The following TCF12 variants were observed in gnomAD, a reference collection of about 807,000 sequenced individuals.
TCF12 encodes DNA-binding protein HTF4.
A neutral mutation model predicts 86.0 loss-of-function variants in TCF12; 45 were observed. The observed-to-expected ratio is 0.52, with a 90% CI of 0.41 to 0.67. The LOEUF is 0.67. Ranked by LOEUF, TCF12 falls within the 30% of genes least tolerant of loss-of-function variation. The probability of loss-of-function intolerance (pLI) is 0.00; values close to 1 mark genes in which losing one functional copy is unlikely to be tolerated. For synonymous variants in TCF12, 330 were observed against 299.6 expected, an observed-to-expected ratio of 1.10 and a Z score of -1.05; for missense variants, 881 against 859.9, an observed-to-expected ratio of 1.02 and a Z score of -0.31.
intron 2 of TCF12, 95 bp downstream of exon 2, chr15:56,920,083 G>T: frequency 7.4e-7 from 1 of 1,359,934 alleles, no homozygotes; most frequent in Non-Finnish European, 1.0e-6. Context: ...GGGAAGCAAC[G>T]TGGAGACTAG....
intron 3 of TCF12, among the ~76,000 whole-genome samples, chr15:57,049,654 A>C (rs1316894994): frequency 6.6e-6 from 1 of 152,222 alleles, no homozygotes. Flanking sequence ...TGGCTATTAC[A>C]AATAAAGCTG....
At chr15:57,130,162 ATGTC>A (rs1460187880) in intron 5 of TCF12, among the ~76,000 whole-genome samples, 1 of 152,240 alleles carries the variant, frequency 6.6e-6, no homozygotes, top group East Asian at 1.9e-4. Context: ...CTAGGATAAA[ATGTC>A]TGTAACAGAT....
intron 18 of TCF12, among the ~76,000 whole-genome samples, chr15:57,266,242 T>C (rs979548546): frequency 3.3e-5 from 5 of 152,212 alleles, no homozygotes; most frequent in African/African-American, 1.2e-4. Context: ...CATGCCTGGC[T>C]AATTTTTGTA....
intron 3 of TCF12, among the ~76,000 whole-genome samples, chr15:57,005,965 T>C (rs764800700): frequency 2.6e-5 from 4 of 152,228 alleles, no homozygotes; most frequent in Non-Finnish European, 5.9e-5. Flanking sequence ...ATACTCTTAT[T>C]TGGTAGACCT....
intron 5 of TCF12, among the ~76,000 whole-genome samples, chr15:57,100,053 T>G (rs1234212822): frequency 6.6e-6 from 1 of 152,204 alleles, no homozygotes; most frequent in African/African-American, 2.4e-5. Context: ...AGTAGTTATC[T>G]TTATGGATCC....
At chr15:57,006,934 C>T (rs1201130099) in intron 3 of TCF12, among the ~76,000 whole-genome samples, 1 of 151,952 alleles carries the variant, frequency 6.6e-6, no homozygotes, top group African/African-American at 2.4e-5. Context: ...ACAGCAGCAA[C>T]AACAACAAAA....
chr15:57,195,278 C>T (rs947237340), intron 7 of TCF12, among the ~76,000 whole-genome samples: 3 of 152,146 alleles, frequency 2.0e-5, no homozygotes, highest in Non-Finnish European at 4.4e-5. Flanking sequence ...TTAAATCAGA[C>T]ATTTTGTATT....
chr15:57,023,737 T>G (rs1294403139), intron 3 of TCF12, among the ~76,000 whole-genome samples: 4 of 152,154 alleles, frequency 2.6e-5, no homozygotes, highest in Non-Finnish European at 5.9e-5. Context: ...GATTCTGAAT[T>G]TATTTCTTTG....
chr15:56,981,896 AGAG>A (rs1421191840), intron 3 of TCF12, among the ~76,000 whole-genome samples: 5 of 152,284 alleles, frequency 3.3e-5, no homozygotes, highest in Admixed American at 3.3e-4. Flanking sequence ...ATGCTGAGGA[AGAG>A]GAGAGGTTGG....
At chr15:57,188,763 T>G (rs2056820581) in intron 6 of TCF12, among the ~76,000 whole-genome samples, 1 of 152,212 alleles carries the variant, frequency 6.6e-6, no homozygotes, top group Non-Finnish European at 1.5e-5. Context: ...GTTGTACTTC[T>G]TCATCACAAC....
intron 15 of TCF12, 89 bp downstream of exon 15, chr15:57,252,581 C>T: frequency 9.4e-7 from 1 of 1,069,460 alleles, no homozygotes; most frequent in South Asian, 1.5e-5. Flanking sequence ...TGTACAGACT[C>T]CCATCTTTAA....
At chr15:57,255,463 T>G (rs1344859059) in intron 16 of TCF12, among the ~76,000 whole-genome samples, 1 of 152,072 alleles carries the variant, frequency 6.6e-6, no homozygotes, top group Non-Finnish European at 1.5e-5. Flanking sequence ...CTGCCAGAGG[T>G]ATTTTTTTGT....
chr15:57,140,959 G>A (rs1427852965), intron 5 of TCF12, among the ~76,000 whole-genome samples: 2 of 151,872 alleles, frequency 1.3e-5, no homozygotes, highest in Admixed American at 1.3e-4. Context: ...AATGTAATAC[G>A]TTCTCTCAAG....
chr15:57,219,390 A>G lies in TCF12; in HGVS notation c.580-11762A>G, dbSNP rs550829117. 1.2e-3 allele frequency: 1,568 copies of G among 1,331,200 alleles called. 3 individuals carry two copies. Among genetic ancestry groups the G allele is most frequent in the Non-Finnish European group, 1.4e-3 (1,451 of 1,025,620 alleles). The allele number at this position is 1,331,200 out of a possible 1,614,324, so 82.5% of individuals were successfully genotyped here. A position where few individuals can be genotyped will look rare whatever the true frequency, so the allele number is the denominator to read the frequency against. ...GTGAGTTGGTTCAGTCCTATTTTGC[A>G]TAAGTTCCTTTTGAGTAGATCCATG... On this transcript the variant is annotated intron_variant, in intron 8 of 20. Coordinates refer to ENST00000333725, the MANE Select transcript of TCF12 (RefSeq NM_207037.2).
At chr15:57,223,385 A>C (rs1327892140) in intron 8 of TCF12, among the ~76,000 whole-genome samples, 1 of 152,034 alleles carries the variant, frequency 6.6e-6, no homozygotes, top group Non-Finnish European at 1.5e-5. Context: ...GTAAAAATAC[A>C]TATATATACT....
intron 3 of TCF12, among the ~76,000 whole-genome samples, chr15:57,037,711 G>A (rs1227450657): frequency 6.6e-6 from 1 of 152,156 alleles, no homozygotes; most frequent in Non-Finnish European, 1.5e-5. Context: ...TAACTGAAGG[G>A]TAGTATCAAT....
chr15:57,136,060 A>G (rs2052496449), intron 5 of TCF12, among the ~76,000 whole-genome samples: 1 of 152,154 alleles, frequency 6.6e-6, no homozygotes. Flanking sequence ...TATAGAGCTT[A>G]TGTCATCAAT....
intron 5 of TCF12, among the ~76,000 whole-genome samples, chr15:57,133,125 A>G (rs1474221794): frequency 6.6e-6 from 1 of 152,158 alleles, no homozygotes; most frequent in Non-Finnish European, 1.5e-5. Flanking sequence ...GTTTCATACT[A>G]TTGTTTAACA....
At position 57,184,958 on chromosome 15, in the gene TCF12, G is replaced by A. The variant is rs2056579641; in HGVS notation, c.391-7200G>A. 3.3e-5 allele frequency among the ~76,000 whole-genome samples: 5 copies of A among 152,008 alleles called. No homozygotes were observed. The South Asian group carries it at 1.0e-3, about 32-fold the overall frequency. ...CTCCCTTTTATCATTTCTTCTGGAG[G>A]TTATTATTTTAATGGAGACTACTTC... On this transcript the variant is annotated intron_variant, in intron 6 of 20. Transcript: ENST00000333725.
Sources: allele counts gnomAD v4.1 joint callset (sites outside exome capture counted in the v4.1 genomes callset), GRCh38; gene constraint gnomAD v4.1.1; transcripts MANE v1.5; gene names NCBI Gene and HGNC (gene_info 2026-07-23, HGNC 2026-07-21).